KCNAB1: variants seen among roughly 807,000 people sequenced by gnomAD.
The protein encoded by KCNAB1 is voltage-gated potassium channel subunit beta-1.
KCNAB1 carries 35 observed loss-of-function variants against 64.6 expected under a neutral mutation model. That is an observed-to-expected ratio of 0.54 (90% CI 0.41 to 0.72). KCNAB1 has a LOEUF of 0.72. Ranked by LOEUF, KCNAB1 falls within the 30% of genes least tolerant of loss-of-function variation. The pLI is 0.00. For missense variants in KCNAB1, 401 were observed against 512.9 expected (o/e 0.78, Z 2.11); for synonymous variants, 177 against 183.8 (o/e 0.96, Z 0.30).
At chr3:156,159,260 C>T (rs1715932817) in intron 1 of KCNAB1, among the ~76,000 whole-genome samples, 1 of 152,116 alleles carries the variant, frequency 6.6e-6, no homozygotes, top group South Asian at 2.1e-4. Context: ...TCTCTTCTTG[C>T]TCTAAAACTC....
At chr3:156,170,898 C>A (rs906005641) in intron 1 of KCNAB1, among the ~76,000 whole-genome samples, 18 of 152,130 alleles carry the variant, frequency 1.2e-4, no homozygotes, top group African/African-American at 4.3e-4. Flanking sequence ...CTGCACATAG[C>A]AGAACAATTT....
chr3:156,236,472 T>TA (rs1230627863), intron 1 of KCNAB1, among the ~76,000 whole-genome samples: 2 of 152,184 alleles, frequency 1.3e-5, no homozygotes, highest in African/African-American at 2.4e-5. Context: ...ATTCAGATGA[T>TA]AATTAAGATG....
intron 1 of KCNAB1, among the ~76,000 whole-genome samples, chr3:156,282,263 C>T (rs201211811): frequency 0.031 from 4,400 of 143,446 alleles, 140 homozygotes; most frequent in South Asian, 0.14. Context: ...AGTTTCCATG[C>T]AGTTGAGCGG....
At chr3:156,297,153 C>A (rs1720840806) in intron 1 of KCNAB1, among the ~76,000 whole-genome samples, 1 of 152,134 alleles carries the variant, frequency 6.6e-6, no homozygotes, top group African/African-American at 2.4e-5. Flanking sequence ...ATCCACTCCC[C>A]CTTCTCCAAT....
rs576152636 is a variant in KCNAB1, at chr3:156,163,471, T to C, written c.275+42585T>C. On this transcript the variant is annotated intron_variant, in intron 1 of 13. Transcript: ENST00000490337. ...CCTCATGGTGAATGTGTAGGAGTTA[T>C]GATCAATAAGAATGAGATTACTATC... Among the ~76,000 whole-genome samples, 4 of 152,344 alleles carry C rather than the reference T, an allele frequency of 2.6e-5. No individual in the cohort carries two copies. The East Asian group carries it at 5.8e-4, about 22-fold the overall frequency.
chr3:156,307,584 G>T (rs1560186775), intron 1 of KCNAB1, among the ~76,000 whole-genome samples: 1 of 152,092 alleles, frequency 6.6e-6, no homozygotes, highest in Non-Finnish European at 1.5e-5. Context: ...AATCATTCTG[G>T]TGCTGTCATT....
At chr3:156,505,037 G>T (rs1421712111) in intron 8 of KCNAB1, among the ~76,000 whole-genome samples, 1 of 152,020 alleles carries the variant, frequency 6.6e-6, no homozygotes, top group African/African-American at 2.4e-5. Flanking sequence ...ATAGCTTCAG[G>T]TCAGGTCTTA....
intron 12 of KCNAB1, among the ~76,000 whole-genome samples, chr3:156,525,555 G>A (rs1430332168): frequency 2.0e-5 from 3 of 152,084 alleles, no homozygotes; most frequent in South Asian, 4.1e-4. Flanking sequence ...TCGCTCTGTC[G>A]CCCAGGCTGG....
intron 1 of KCNAB1, among the ~76,000 whole-genome samples, chr3:156,390,748 A>C (rs762044930): frequency 6.7e-6 from 1 of 149,638 alleles, no homozygotes; most frequent in Non-Finnish European, 1.5e-5. Flanking sequence ...ATGCCCGGCT[A>C]ATTTTTTTTT....
intron 1 of KCNAB1, among the ~76,000 whole-genome samples, chr3:156,363,589 C>T (rs1725751853): frequency 6.6e-6 from 1 of 152,070 alleles, no homozygotes; most frequent in South Asian, 2.1e-4. Flanking sequence ...GATTCTGTTG[C>T]CTCAGCCTCC....
intron 1 of KCNAB1, among the ~76,000 whole-genome samples, chr3:156,203,493 C>T (rs1425595913): frequency 6.6e-6 from 1 of 152,102 alleles, no homozygotes; most frequent in Non-Finnish European, 1.5e-5. Context: ...GGACCGTTTT[C>T]CCCAACTATA....
At chr3:156,525,880 T>C (rs1417695673) in intron 12 of KCNAB1, among the ~76,000 whole-genome samples, 2 of 152,208 alleles carry the variant, frequency 1.3e-5, no homozygotes, top group South Asian at 2.1e-4. Context: ...TAATTTATTA[T>C]TGAAGAAAGA....
intron 7 of KCNAB1, among the ~76,000 whole-genome samples, chr3:156,473,548 C>A (rs1714109009): frequency 6.6e-6 from 1 of 152,164 alleles, no homozygotes; most frequent in African/African-American, 2.4e-5. Context: ...CATTAGACCT[C>A]ATAACATCTG....
At chr3:156,242,328 G>A (rs1179244056) in intron 1 of KCNAB1, among the ~76,000 whole-genome samples, 1 of 151,948 alleles carries the variant, frequency 6.6e-6, no homozygotes, top group Non-Finnish European at 1.5e-5. Context: ...GGGGGAACAG[G>A]TGATATTTGG....
chr3:156,536,569 TC>T, intron 13 of KCNAB1, 88 bp from the exon 14 acceptor site: 2 of 869,494 alleles, frequency 2.3e-6, no homozygotes, highest in Non-Finnish European at 2.0e-6. Flanking sequence ...GATATATGAT[TC>T]TAGATTACTT....
chr3:156,479,757 CG>C (rs772404904), intron 8 of KCNAB1, among the ~76,000 whole-genome samples: 1 of 151,992 alleles, frequency 6.6e-6, no homozygotes, highest in Admixed American at 6.6e-5. Flanking sequence ...ATGCTGATAA[CG>C]GTTCCAGTTA....
In KCNAB1 at chr3:156,269,913, C is replaced by CTTTT. The variant is rs34741042; in HGVS notation, c.275+149044_275+149047dup. ...GCAGGCAACAGATGACCGGGGCTTG[C>CTTTT]TTTTTTTTTTTTTTTTTTTTGAGAC... On this transcript the variant is annotated intron_variant, in intron 1 of 13. Transcript: ENST00000490337. 3.3e-4 allele frequency among the ~76,000 whole-genome samples: 38 copies of CTTTT among 114,466 alleles called. 1 individual carries two copies. The highest frequency in any genetic ancestry group is 8.8e-4 in the African/African-American group (25 of 28,436). The allele number at this position is 114,466 out of a possible 152,430, so 75.1% of individuals were successfully genotyped here.
chr3:156,290,512 G>A (rs1301377593), intron 1 of KCNAB1, among the ~76,000 whole-genome samples: 2 of 152,162 alleles, frequency 1.3e-5, no homozygotes, highest in Non-Finnish European at 2.9e-5. Context: ...GTTTGGTTCA[G>A]TCACATTTAT....
chr3:156,440,071 G>A (rs1055815479), intron 2 of KCNAB1, among the ~76,000 whole-genome samples: 13 of 152,274 alleles, frequency 8.5e-5, no homozygotes, highest in African/African-American at 3.1e-4. Context: ...CTCCTCTGCT[G>A]GTTCTTGAAT....
Sources: gnomAD v4.1 joint callset for allele counts (sites outside exome capture counted in the v4.1 genomes callset) on GRCh38, gnomAD v4.1.1 for gene constraint, MANE v1.5 for transcripts, NCBI Gene and HGNC (gene_info 2026-07-23, HGNC 2026-07-21) for gene names.